Variants in XKR4 observed in about 807,000 individuals in gnomAD.
XKR4 encodes the protein XK related 4, also known as XK-related protein 4.
Under a neutral mutation model 53.9 loss-of-function variants are expected in XKR4, and 12 were observed. The observed-to-expected ratio is 0.22, with a 90% CI of 0.14 to 0.36. The LOEUF (loss-of-function observed/expected upper bound fraction) is 0.36, where lower values mean the gene tolerates loss of function less well. Ranked by LOEUF, XKR4 falls within the 10% of genes least tolerant of loss-of-function variation. The pLI, the probability that XKR4 is intolerant of heterozygous loss-of-function variation, is 1.00. For synonymous variants in XKR4, 354 were observed against 362.4 expected (o/e 0.98, Z 0.26); for missense variants, 799 against 859.5 (o/e 0.93, Z 0.88).
At chr8:55,234,438 T>C (rs976108831) in intron 1 of XKR4, among the ~76,000 whole-genome samples, 16 of 152,172 alleles carry the variant, frequency 1.1e-4, no homozygotes, top group Admixed American at 3.9e-4. Context: ...TCACCCCAAA[T>C]TGAGTATCTT....
intron 2 of XKR4, among the ~76,000 whole-genome samples, chr8:55,424,557 G>A (rs1804986147): frequency 6.6e-6 from 1 of 152,198 alleles, no homozygotes; most frequent in Non-Finnish European, 1.5e-5. Context: ...ATATCAACCT[G>A]TCAGGCACTA....
chr8:55,137,572 CTTTTTTTT>C (rs369443865), intron 1 of XKR4, among the ~76,000 whole-genome samples: 22 of 130,772 alleles, frequency 1.7e-4, no homozygotes, highest in Admixed American at 1.2e-3. Flanking sequence ...CAGAAGAGAA[CTTTTTTTT>C]TTTTTTTTTT....
rs1805472676 is a variant in XKR4, at chr8:55,452,679, A to T, written c.1007-70602A>T. 1.3e-5 allele frequency: 18 copies of T among 1,432,774 alleles called. No homozygotes were observed. The African/African-American group carries it at 1.7e-4, about 13-fold the overall frequency. The allele number at this position is 1,432,774 out of a possible 1,614,324, so 88.8% of individuals were successfully genotyped here. A position where few individuals can be genotyped will look rare whatever the true frequency, so the allele number is the denominator to read the frequency against. On this transcript the variant is annotated intron_variant, in intron 2 of 2. Transcript: ENST00000327381. ...ACTGGTGACCCCACTCTCTGTGCAG[A>T]CCTTGTCCACAAAGCGGTTGATGAA...
chr8:55,186,503 A>G (rs1585926557), intron 1 of XKR4, among the ~76,000 whole-genome samples: 1 of 152,056 alleles, frequency 6.6e-6, no homozygotes, highest in African/African-American at 2.4e-5. Flanking sequence ...AAAATAAAAA[A>G]AAAATAGCCG....
chr8:55,440,600 CA>C (rs11308311), intron 2 of XKR4, among the ~76,000 whole-genome samples: 83,989 of 149,306 alleles, frequency 0.56, 24,820 homozygotes, highest in African/African-American at 0.77. Context: ...AAACTAGCAG[CA>C]AAAAAAAATG....
chr8:55,128,033 A>G (rs1446971703), intron 1 of XKR4, among the ~76,000 whole-genome samples: 1 of 152,090 alleles, frequency 6.6e-6, no homozygotes, highest in Non-Finnish European at 1.5e-5. Context: ...TAGTCTCGCA[A>G]TACACATACG....
intron 1 of XKR4, among the ~76,000 whole-genome samples, chr8:55,270,081 A>G (rs1158466218): frequency 6.6e-6 from 1 of 152,180 alleles, no homozygotes; most frequent in Non-Finnish European, 1.5e-5. Flanking sequence ...CAGGCCATTT[A>G]GGTGTATTCC....
chr8:55,521,237 G>C (rs1806791763), intron 2 of XKR4, among the ~76,000 whole-genome samples: 1 of 152,236 alleles, frequency 6.6e-6, no homozygotes, highest in Non-Finnish European at 1.5e-5. Context: ...AGAGATATGA[G>C]CGGCTTCTAT....
chr8:55,436,258 A>T (rs1319149932), intron 2 of XKR4, among the ~76,000 whole-genome samples: 1 of 152,180 alleles, frequency 6.6e-6, no homozygotes, highest in Non-Finnish European at 1.5e-5. Context: ...CTTTTCAATG[A>T]CAATATTTAG....
chr8:55,129,817 C>T (rs1816529744), intron 1 of XKR4, among the ~76,000 whole-genome samples: 1 of 152,080 alleles, frequency 6.6e-6, no homozygotes, highest in Non-Finnish European at 1.5e-5. Context: ...ATGGATGATA[C>T]TGGAGACTGA....
intron 1 of XKR4, among the ~76,000 whole-genome samples, chr8:55,208,087 T>C (rs1817676017): frequency 6.6e-6 from 1 of 152,246 alleles, no homozygotes; most frequent in South Asian, 2.1e-4. Context: ...CACATCATGA[T>C]GTTTTGACAG....
intron 1 of XKR4, among the ~76,000 whole-genome samples, chr8:55,200,919 T>A (rs1053306759): frequency 6.6e-6 from 1 of 152,390 alleles, no homozygotes; most frequent in Non-Finnish European, 1.5e-5. Flanking sequence ...TGAATCATAG[T>A]TAACAATGGG....
intron 2 of XKR4, chr8:55,452,498 C>A: frequency 1.6e-6 from 1 of 642,434 alleles, no homozygotes. Context: ...GCAGGCCATC[C>A]AGCACACACT....
chr8:55,454,111 T>A, intron 2 of XKR4: 1 of 833,406 alleles, frequency 1.2e-6, no homozygotes, highest in Non-Finnish European at 2.1e-6. Flanking sequence ...ACGTCATGGG[T>A]GGAGGGAAGG....
chr8:55,128,174 T>G (rs1816500144), intron 1 of XKR4, among the ~76,000 whole-genome samples: 1 of 152,044 alleles, frequency 6.6e-6, no homozygotes, highest in Non-Finnish European at 1.5e-5. Context: ...CCACAATGGT[T>G]GAACTAGTTT....
In XKR4 at chr8:55,361,920, G is replaced by A. The variant is rs536693923; in HGVS notation, c.1006+4043G>A. The stretch of plus-strand genomic sequence containing the variant: ...TCAGTTTAACCTCCTCAGAGTATCC[G>A]GTCCTAACTGCTCGTTCACATTTTT... On this transcript the variant is annotated intron_variant, in intron 2 of 2. Coordinates refer to ENST00000327381, the MANE Select transcript of XKR4 (RefSeq NM_052898.2). 3.4e-4 allele frequency among the ~76,000 whole-genome samples: 51 copies of A among 152,110 alleles called. No individual in the cohort carries two copies. The South Asian group carries it at 9.6e-3, about 28-fold the overall frequency.
intron 1 of XKR4, among the ~76,000 whole-genome samples, chr8:55,275,896 C>T (rs1218078522): frequency 1.3e-5 from 2 of 152,138 alleles, no homozygotes; most frequent in African/African-American, 4.8e-5. Flanking sequence ...CGGGACTGTC[C>T]CACCTGGGCC....
At chr8:55,330,272 C>T (rs763695288) in intron 1 of XKR4, among the ~76,000 whole-genome samples, 1 of 152,158 alleles carries the variant, frequency 6.6e-6, no homozygotes, top group Non-Finnish European at 1.5e-5. Context: ...CCAGCTGTGC[C>T]ACTTACTAGG....
chr8:55,453,693 GGCTGCTGTCACCCGGCCTCT>G lies in XKR4; in HGVS notation c.1007-69585_1007-69566del, dbSNP rs1210537639. The G allele has an allele frequency of 7.0e-5, 28 of 400,840 alleles. No individual in the cohort carries two copies. In the Middle Eastern group the frequency reaches 2.5e-3, roughly 36 times the overall value. The allele number at this position is 400,840 out of a possible 1,614,324, so 24.8% of individuals were successfully genotyped here. A position where few individuals can be genotyped will look rare whatever the true frequency, so the allele number is the denominator to read the frequency against. On this transcript the variant is annotated intron_variant, in intron 2 of 2. Coordinates refer to ENST00000327381, the MANE Select transcript of XKR4 (RefSeq NM_052898.2). ...AAGGGCCGGGGCGCCCATCTCAGGT[GGCTGCTGTCACCCGGCCTCT>G]GCATGTTGTGCATCGCCAAGTCTGG... is the stretch of plus-strand genomic sequence containing the variant.
Sources: gnomAD v4.1 joint callset for allele counts (sites outside exome capture counted in the v4.1 genomes callset) on GRCh38, gnomAD v4.1.1 for gene constraint, MANE v1.5 for transcripts, NCBI Gene and HGNC (gene_info 2026-07-23, HGNC 2026-07-21) for gene names.